Variants in ULK2 observed in about 807,000 individuals in gnomAD.
The protein encoded by ULK2 is serine/threonine-protein kinase ULK2.
ULK2 carries 76 observed loss-of-function variants against 127.5 expected under a neutral mutation model. That is an observed-to-expected ratio of 0.60 (90% CI 0.50 to 0.72). The LOEUF (loss-of-function observed/expected upper bound fraction) is 0.72. ULK2 is among the 30% of genes least tolerant of loss of function. The pLI is 0.00. For missense variants in ULK2, 1,144 were observed against 1,295.9 expected, an observed-to-expected ratio of 0.88 and a Z score of 1.80; for synonymous variants, 452 against 461.9, an observed-to-expected ratio of 0.98 and a Z score of 0.28.
intron 12 of ULK2, among the ~76,000 whole-genome samples, chr17:19,822,511 G>A (rs746624389): frequency 1.7e-4 from 26 of 151,194 alleles, no homozygotes; most frequent in Non-Finnish European, 2.7e-4. Context: ...ACAGGTGCAC[G>A]CCGCCACGCC....
intron 10 of ULK2, among the ~76,000 whole-genome samples, chr17:19,836,345 G>A (rs762008907): frequency 6.6e-6 from 1 of 151,946 alleles, no homozygotes; most frequent in Non-Finnish European, 1.5e-5. Flanking sequence ...GGAGACGGAG[G>A]TTGCAGTGAG....
rs993186615 is a variant in ULK2, at chr17:19,816,936, T to A, written c.925-16A>T. 1 of 1,588,620 alleles carries A rather than the reference T, an allele frequency of 6.3e-7. No individual in the cohort carries two copies. Among genetic ancestry groups the A allele is most frequent in the Non-Finnish European group, 8.5e-7 (1 of 1,172,386 alleles). On this transcript the variant is annotated splice_polypyrimidine_tract_variant and intron_variant, in intron 12 of 26. Coordinates refer to ENST00000395544, the MANE Select transcript of ULK2 (RefSeq NM_014683.4). ...CTGGAAGGGACTAAAATTAACAACA[T>A]AAAATTAAAACTGGTCTAATAATCA...
rs368011354 is a variant in ULK2 at position 19,781,892 on chromosome 17, C to A, written c.2636G>T (p.Trp879Leu). Residue 879 changes from tryptophan to leucine, a missense_variant, in exon 23 of 27, where the codon TGG (tryptophan) becomes TTG (leucine). Transcript: ENST00000395544. The stretch of plus-strand genomic sequence containing the variant: ...TGAATGACAAGGGGGCACCCACCCC[C>A]AGTCTTTGCTCAGCTGACTGATCTG... ...VDQISQLSKD[W>L]GRVEQLVLYM... The A allele has an allele frequency of 1.2e-6, 2 of 1,612,414 alleles. No individual in the cohort carries two copies. Among genetic ancestry groups the A allele is most frequent in the South Asian group, 1.1e-5 (1 of 90,624 alleles).
chr17:19,863,815 T>C (rs1045491539), intron 3 of ULK2, among the ~76,000 whole-genome samples: 1 of 152,214 alleles, frequency 6.6e-6, no homozygotes, highest in African/African-American at 2.4e-5. Context: ...TACAGAAATT[T>C]TGCCTTAGTG....
intron 20 of ULK2, among the ~76,000 whole-genome samples, chr17:19,789,748 A>G (rs989403853): frequency 6.6e-6 from 1 of 152,120 alleles, no homozygotes; most frequent in Non-Finnish European, 1.5e-5. Context: ...GAAAAATGCA[A>G]TTGACACACT....
chr17:19,833,780 A>G (rs2041523093), intron 10 of ULK2, among the ~76,000 whole-genome samples: 1 of 152,232 alleles, frequency 6.6e-6, no homozygotes, highest in Non-Finnish European at 1.5e-5. Flanking sequence ...ACTCAAAGGA[A>G]AAAACAATAT....
In ULK2 at chr17:19,775,923, G is replaced by A. The variant is rs1263413119; in HGVS notation, c.*426C>T. 6.4e-6 allele frequency: 1 copy of A among 157,354 alleles called. No individual in the cohort carries two copies. Among genetic ancestry groups the A allele is most frequent in the African/African-American group, 2.4e-5 (1 of 41,652 alleles). The allele number at this position is 157,354 out of a possible 1,614,324, so 9.7% of individuals were successfully genotyped here. A position where few individuals can be genotyped will look rare whatever the true frequency, so the allele number is the denominator to read the frequency against. On this transcript the variant is annotated 3_prime_UTR_variant, in exon 27 of 27. Coordinates refer to ENST00000395544, the MANE Select transcript of ULK2 (RefSeq NM_014683.4). ...ACAAACTTACTCCAAATATCAAACT[G>A]CCTGGATGAGGGGTGAATACATTTA...
intron 13 of ULK2, among the ~76,000 whole-genome samples, chr17:19,814,962 T>C (rs1387869652): frequency 6.6e-6 from 1 of 152,184 alleles, no homozygotes; most frequent in Non-Finnish European, 1.5e-5. Context: ...GAATTTTGAA[T>C]TTTAGAACAT....
intron 10 of ULK2, among the ~76,000 whole-genome samples, chr17:19,835,879 T>C (rs908132985): frequency 3.9e-5 from 6 of 151,910 alleles, no homozygotes; most frequent in African/African-American, 1.5e-4. Flanking sequence ...CCCAGCACTC[T>C]GGGAGGCTAA....
chr17:19,782,806 C>T (rs1032618492), intron 22 of ULK2, among the ~76,000 whole-genome samples: 1 of 152,108 alleles, frequency 6.6e-6, no homozygotes, highest in South Asian at 2.1e-4. Flanking sequence ...GTCCCAGCTC[C>T]TCAGGAAGCT....
At position 19,784,010 on chromosome 17, in the gene ULK2, T is replaced by C. The variant is rs913066245; in HGVS notation, c.2252-105A>G. 6 of 1,085,018 alleles carry C rather than the reference T, an allele frequency of 5.5e-6. No homozygotes were observed. The African/African-American group carries it at 8.1e-5, about 15-fold the overall frequency. The allele number at this position is 1,085,018 out of a possible 1,614,324, so 67.2% of individuals were successfully genotyped here. A position where few individuals can be genotyped will look rare whatever the true frequency, so the allele number is the denominator to read the frequency against. On this transcript the variant is annotated intron_variant, in intron 21 of 26. Coordinates refer to ENST00000395544, the MANE Select transcript of ULK2 (RefSeq NM_014683.4). ...ACCTGCTGAGGTGACAAAGGAAAGT[T>C]TCGTTAAAAGAAACTCACTGACCCC...
chr17:19,786,100 T>G lies in ULK2; in HGVS notation c.2102-14A>C. ...CTCCTGCCGGAGCTACAACAAAAAG[T>G]TTATAGAAGGTCATATTACCCTGAT... On this transcript the variant is annotated splice_polypyrimidine_tract_variant and intron_variant, in intron 20 of 26. Coordinates refer to ENST00000395544, the MANE Select transcript of ULK2 (RefSeq NM_014683.4). The G allele has an allele frequency of 6.4e-7, 1 of 1,557,750 alleles. No homozygotes were observed. Among genetic ancestry groups the G allele is most frequent in the South Asian group, 1.2e-5 (1 of 81,916 alleles).
intron 3 of ULK2, among the ~76,000 whole-genome samples, chr17:19,862,911 C>T (rs561997539): frequency 3.3e-5 from 5 of 152,248 alleles, no homozygotes; most frequent in African/African-American, 9.6e-5. Context: ...ACATAATAGT[C>T]ACTCAAAAAC....
In ULK2 at chr17:19,801,866, G is replaced by A; in HGVS notation, c.1352C>T (p.Ser451Leu). Residue 451 changes from serine to leucine, a missense_variant, in exon 16 of 27, where the codon TCA becomes TTA. Physicochemically the swap from Ser to Leu is moderately radical, Grantham distance 145. This residue lies in a region of ULK2 where 913 missense variants were observed against 970.5 expected (regional missense o/e 0.94). Coordinates refer to ENST00000395544, the MANE Select transcript of ULK2 (RefSeq NM_014683.4). The part of the protein sequence containing the change: ...TSPMGFLRPG[S>L]CSPVPADTAQ... ...TGTGTCTGCTGGTACTGGGGAGCAT[G>A]ATCCCGGCCGGAGGAAGCCCATGGG... 2.5e-6 allele frequency: 4 copies of A among 1,614,158 alleles called. No homozygotes were observed. The highest frequency in any genetic ancestry group is 3.4e-6 in the Non-Finnish European group (4 of 1,180,012).
At chr17:19,781,784 TTAA>T (rs1294171486) in intron 23 of ULK2, 102 bp downstream of exon 23, 21 of 1,311,748 alleles carry the variant, frequency 1.6e-5, no homozygotes, top group Non-Finnish European at 1.9e-5. Flanking sequence ...CTCCTAGCTT[TTAA>T]TAATGAGATA....
intron 20 of ULK2, 70 bp downstream of exon 20, chr17:19,795,552 C>T: frequency 8.0e-7 from 1 of 1,256,202 alleles, no homozygotes. Flanking sequence ...TGATTTGTTA[C>T]AACAGCAGTA....
At chr17:19,809,660 C>G (rs1286168531) in intron 14 of ULK2, among the ~76,000 whole-genome samples, 2 of 133,456 alleles carry the variant, frequency 1.5e-5, no homozygotes, top group Admixed American at 9.2e-5. Context: ...TTGAACCCGG[C>G]AGGTAGAAGT....
Position 19,819,887 on chromosome 17 carries a change from T to C in ULK2, c.925-2967A>G, listed in dbSNP as rs554099887. 2.6e-5 allele frequency among the ~76,000 whole-genome samples: 4 copies of C among 152,132 alleles called. No individual in the cohort carries two copies. In the South Asian group the frequency reaches 8.3e-4, roughly 32 times the overall value. ...ACAACAATGATGATAAAATAAAAGG[T>C]GCAAGGGTCTCAAGGTGTCCTCTCT... is the stretch of plus-strand genomic sequence containing the variant. On this transcript the variant is annotated intron_variant, in intron 12 of 26. Coordinates refer to ENST00000395544, the MANE Select transcript of ULK2 (RefSeq NM_014683.4).
At chr17:19,848,644 G>A (rs1441118826) in intron 5 of ULK2, among the ~76,000 whole-genome samples, 1 of 152,062 alleles carries the variant, frequency 6.6e-6, no homozygotes, top group African/African-American at 2.4e-5. Context: ...GTGTGTGGAG[G>A]TATGCACCTG....
Sources: gnomAD v4.1 joint callset for allele counts (sites outside exome capture counted in the v4.1 genomes callset) on GRCh38, gnomAD v4.1.1 for gene constraint, gnomAD v4.1.1 regional missense constraint, MANE v1.5 for transcripts, NCBI Gene and HGNC (gene_info 2026-07-23, HGNC 2026-07-21) for gene names.